Variants in ANOS1 observed in about 807,000 individuals in gnomAD.
The protein encoded by ANOS1 is anosmin-1.
Under a neutral mutation model 59.0 loss-of-function variants are expected in ANOS1, and 6 were observed. The ratio of observed to expected loss-of-function variants is 0.10; its 90% CI spans 0.06 to 0.20. The LOEUF (loss-of-function observed/expected upper bound fraction) is 0.20, where lower values mean the gene tolerates loss of function less well. Ranked by LOEUF, ANOS1 falls within the 10% of genes least tolerant of loss-of-function variation. The pLI is 1.00. For missense variants in ANOS1, 433 were observed against 542.3 expected, an observed-to-expected ratio of 0.80 and a Z score of 2.00; for synonymous variants, 217 against 223.4, an observed-to-expected ratio of 0.97 and a Z score of 0.25.
intron 2 of ANOS1, among the ~76,000 whole-genome samples, chrX:8,647,913 G>A (rs1036067651): frequency 1.8e-5 from 2 of 111,574 alleles, no homozygotes; most frequent in African/African-American, 6.5e-5. Flanking sequence ...CATCTCATTA[G>A]GGACAAATAA....
intron 8 of ANOS1, among the ~76,000 whole-genome samples, chrX:8,558,926 A>G (rs1395049787): frequency 5.3e-5 from 6 of 112,464 alleles, no homozygotes; most frequent in African/African-American, 1.9e-4. Context: ...GCAACAGTAC[A>G]TCAGGTTGGG....
chrX:8,690,870 T>C (rs1932595322), intron 2 of ANOS1, among the ~76,000 whole-genome samples: 1 of 110,153 alleles, frequency 9.1e-6, no homozygotes, highest in African/African-American at 3.3e-5. Flanking sequence ...GCACCAAGAC[T>C]GGGCCCTAAA....
At chrX:8,704,220 A>G (rs1932770475) in intron 1 of ANOS1, among the ~76,000 whole-genome samples, 2 of 111,762 alleles carry the variant, frequency 1.8e-5, no homozygotes, top group South Asian at 3.8e-4. Context: ...TTTCTTTGTA[A>G]ATTACCCAGT....
chrX:8,573,113 G>A (rs745768318), intron 6 of ANOS1, among the ~76,000 whole-genome samples: 81 of 101,551 alleles, frequency 8.0e-4, no homozygotes, highest in African/African-American at 2.9e-3. Context: ...AGGCTGGAGT[G>A]CAATGGTGTG....
intron 2 of ANOS1, among the ~76,000 whole-genome samples, chrX:8,692,549 A>G (rs1470313550): frequency 9.0e-6 from 1 of 111,003 alleles, no homozygotes; most frequent in Non-Finnish European, 1.9e-5. Flanking sequence ...TCACCCACAC[A>G]TATGCTTCTC....
At chrX:8,682,882 G>A (rs771090246) in intron 2 of ANOS1, among the ~76,000 whole-genome samples, 1 of 111,500 alleles carries the variant, frequency 9.0e-6, no homozygotes, top group Non-Finnish European at 1.9e-5. Flanking sequence ...TGAAAAATGT[G>A]CCAAAAATTT....
At chrX:8,588,480 T>C (rs1191318602) in intron 4 of ANOS1, among the ~76,000 whole-genome samples, 4 of 93,775 alleles carry the variant, frequency 4.3e-5, no homozygotes, top group Non-Finnish European at 9.2e-5. Flanking sequence ...GTTTTTCATT[T>C]AAGGAAAACA....
At chrX:8,533,989 GAA>G (rs1929543584) in intron 13 of ANOS1, among the ~76,000 whole-genome samples, 1 of 53,274 alleles carries the variant, frequency 1.9e-5, no homozygotes, top group African/African-American at 5.6e-5. Flanking sequence ...GAGGAAAGGA[GAA>G]AAGAAGAGAG....
At chrX:8,547,928 A>G (rs1170160176) in intron 9 of ANOS1, among the ~76,000 whole-genome samples, 1 of 111,282 alleles carries the variant, frequency 9.0e-6, no homozygotes, top group African/African-American at 3.3e-5. Context: ...TATTGGCCAG[A>G]CTGGTCTCAA....
chrX:8,683,397 C>G (rs760616152), intron 2 of ANOS1, among the ~76,000 whole-genome samples: 1 of 110,965 alleles, frequency 9.0e-6, no homozygotes, highest in East Asian at 2.8e-4. Context: ...GCTAGTGAAT[C>G]CCTTCAGCCT....
chrX:8,640,688 C>T (rs190991174), intron 2 of ANOS1, among the ~76,000 whole-genome samples: 88 of 108,056 alleles, frequency 8.1e-4, no homozygotes, highest in African/African-American at 2.8e-3. Flanking sequence ...CTTCTCAATA[C>T]AGAAACCCTG....
chrX:8,567,173 T>A (rs1326880744), intron 8 of ANOS1, among the ~76,000 whole-genome samples: 1 of 112,129 alleles, frequency 8.9e-6, no homozygotes, highest in East Asian at 2.8e-4. Flanking sequence ...AAGATATGAG[T>A]GTCATATAAG....
At chrX:8,626,792 C>T (rs1013696031) in intron 2 of ANOS1, among the ~76,000 whole-genome samples, 2 of 101,032 alleles carry the variant, frequency 2.0e-5, no homozygotes, top group Admixed American at 1.1e-4. Flanking sequence ...ACCCGAGAGG[C>T]GGAGCTTGCA....
intron 2 of ANOS1, among the ~76,000 whole-genome samples, chrX:8,625,785 T>C (rs73199053): frequency 0.039 from 4,356 of 111,089 alleles, 106 homozygotes; most frequent in Admixed American, 0.11. Flanking sequence ...TAACAAGTTC[T>C]ACTGAAAATT....
intron 8 of ANOS1, chrX:8,565,877 C>T: frequency 1.2e-5 from 4 of 332,488 alleles, no homozygotes; most frequent in African/African-American, 2.8e-5. Flanking sequence ...TGGCTGAATG[C>T]AGGACTCTGG....
At chrX:8,568,119 T>C (rs1930152095) in intron 8 of ANOS1, 113 bp downstream of exon 8, 1 of 757,358 alleles carries the variant, frequency 1.3e-6, no homozygotes, top group African/African-American at 2.1e-5. Context: ...GGTAAGAAGA[T>C]TTGCCATATA....
chrX:8,630,383 TTG>T (rs112436468), intron 2 of ANOS1, among the ~76,000 whole-genome samples: 11,119 of 110,986 alleles, frequency 0.1, 788 homozygotes, highest in South Asian at 0.25. Context: ...TGAGCTGAAA[TTG>T]TGCCACTGCA....
At chrX:8,537,059 C>T (rs1042793526) in intron 10 of ANOS1, 117 bp from the exon 11 acceptor site, 39 of 605,666 alleles carry the variant, frequency 6.4e-5, no homozygotes, top group Non-Finnish European at 9.1e-5. Context: ...ATAGTGTGTG[C>T]AATATGGCTT....
intron 6 of ANOS1, among the ~76,000 whole-genome samples, chrX:8,576,047 T>A (rs1433265409): frequency 9.0e-6 from 1 of 111,611 alleles, no homozygotes; most frequent in Non-Finnish European, 1.9e-5. Flanking sequence ...AGTTCAAGGC[T>A]ACAGTGAGGT....
Sources: allele counts gnomAD v4.1 joint callset (sites outside exome capture counted in the v4.1 genomes callset), GRCh38; gene constraint gnomAD v4.1.1; transcripts MANE v1.5; gene names NCBI Gene and HGNC (gene_info 2026-07-23, HGNC 2026-07-21).